CLSTN2: variants seen among roughly 807,000 people sequenced by gnomAD.
The protein encoded by CLSTN2 is calsyntenin 2.
A neutral mutation model predicts 101.2 loss-of-function variants in CLSTN2; 48 were observed. The ratio of observed to expected loss-of-function variants is 0.47; its 90% confidence interval spans 0.38 to 0.60. The LOEUF (loss-of-function observed/expected upper bound fraction) is 0.60, where lower values mean the gene tolerates loss of function less well. Among genes scored for constraint, CLSTN2 ranks in the 20% least tolerant of loss-of-function variants. The probability of loss-of-function intolerance (pLI) is 0.00; values close to 1 mark genes in which losing one functional copy is unlikely to be tolerated. For missense variants in CLSTN2, 1,160 were observed against 1,238.2 expected (o/e 0.94, Z 0.95); for synonymous variants, 481 against 463.6 (o/e 1.04, Z -0.48).
chr3:140,138,877 G>A (rs918632620), intron 1 of CLSTN2, among the ~76,000 whole-genome samples: 1 of 152,178 alleles, frequency 6.6e-6, no homozygotes, highest in South Asian at 2.1e-4. Context: ...GGCAGTGTCG[G>A]CATTTTCTCA....
Position 140,566,924 on chromosome 3 carries a change from C to CA in CLSTN2, c.*672dup, listed in dbSNP as rs2107796629. Reference sequence around the variant, plus strand: ...CCCAAACCAAGAATAGGTCCTTGGCCACAAGCAGGGTCTGATCCCCCATCA... The same window carrying CA: ...CCCAAACCAAGAATAGGTCCTTGGCCAACAAGCAGGGTCTGATCCCCCATCA... On this transcript the variant is annotated 3_prime_UTR_variant, in exon 17 of 17. Coordinates refer to ENST00000458420, the MANE Select transcript of CLSTN2 (RefSeq NM_022131.3). 6.5e-6 allele frequency: 1 copy of CA among 152,718 alleles called. No homozygotes were observed. The highest frequency in any genetic ancestry group is 1.5e-5 in the Non-Finnish European group (1 of 68,402). The allele number at this position is 152,718 out of a possible 1,614,324, so 9.5% of individuals were successfully genotyped here.
At chr3:140,353,082 C>G (rs1167368866) in intron 2 of CLSTN2, among the ~76,000 whole-genome samples, 5 of 151,942 alleles carry the variant, frequency 3.3e-5, no homozygotes, top group Non-Finnish European at 5.9e-5. Context: ...TATAAGTAAT[C>G]TAGAGATTAC....
At chr3:140,117,484 C>T (rs1395901021) in intron 1 of CLSTN2, among the ~76,000 whole-genome samples, 1 of 152,162 alleles carries the variant, frequency 6.6e-6, no homozygotes, top group Non-Finnish European at 1.5e-5. Context: ...TGGGCAGGTC[C>T]CTTGACTCAG....
intron 2 of CLSTN2, among the ~76,000 whole-genome samples, chr3:140,241,874 T>TACACACACACACACACAC (rs1402235729): frequency 1.7e-5 from 1 of 60,030 alleles, no homozygotes; most frequent in African/African-American, 5.2e-5. Flanking sequence ...TATACACATA[T>TACACACACACACACACAC]ATATATACAC....
chr3:140,101,267 T>C (rs1233924431), intron 1 of CLSTN2, among the ~76,000 whole-genome samples: 1 of 152,246 alleles, frequency 6.6e-6, no homozygotes, highest in African/African-American at 2.4e-5. Context: ...CATAGTTTCA[T>C]GCTGGCCATA....
intron 1 of CLSTN2, among the ~76,000 whole-genome samples, chr3:140,018,160 A>C (rs2007238690): frequency 1.3e-5 from 2 of 152,348 alleles, no homozygotes; most frequent in Admixed American, 1.3e-4. Flanking sequence ...GTCTCATTGT[A>C]GTGGCTGAGC....
intron 2 of CLSTN2, among the ~76,000 whole-genome samples, chr3:140,322,647 A>T (rs2087294970): frequency 6.6e-6 from 1 of 152,242 alleles, no homozygotes; most frequent in African/African-American, 2.4e-5. Flanking sequence ...CCTCTAATGC[A>T]GGTTGTGAAA....
intron 2 of CLSTN2, among the ~76,000 whole-genome samples, chr3:140,179,841 T>C (rs2010381748): frequency 6.6e-6 from 1 of 152,152 alleles, no homozygotes; most frequent in South Asian, 2.1e-4. Context: ...TATTATAACA[T>C]GTGTCCACAT....
intron 1 of CLSTN2, among the ~76,000 whole-genome samples, chr3:139,994,420 C>A (rs1024298464): frequency 2.0e-5 from 3 of 152,156 alleles, no homozygotes. Context: ...GATGAGGAAA[C>A]TGAGAAATGA....
At chr3:140,201,592 T>C (rs1249097556) in intron 2 of CLSTN2, among the ~76,000 whole-genome samples, 2 of 152,216 alleles carry the variant, frequency 1.3e-5, no homozygotes, top group Non-Finnish European at 2.9e-5. Context: ...CTACAACTTC[T>C]ATAACTTCCA....
chr3:140,525,069 T>A (rs2107775689), intron 8 of CLSTN2, among the ~76,000 whole-genome samples: 1 of 152,190 alleles, frequency 6.6e-6, no homozygotes, highest in Admixed American at 6.5e-5. Context: ...CAACCTCAAA[T>A]ATAGCAGAAG....
intron 1 of CLSTN2, among the ~76,000 whole-genome samples, chr3:139,963,391 A>G (rs1462085830): frequency 6.6e-6 from 1 of 152,106 alleles, no homozygotes; most frequent in African/African-American, 2.4e-5. Flanking sequence ...TTTTCCAATC[A>G]CATTACCTCC....
chr3:140,403,127 A>C (rs1426852003), intron 2 of CLSTN2, among the ~76,000 whole-genome samples: 1 of 152,222 alleles, frequency 6.6e-6, no homozygotes, highest in Non-Finnish European at 1.5e-5. Context: ...AGAGAAATGC[A>C]TTAATTTCAC....
chr3:140,267,695 C>T (rs756724215), intron 2 of CLSTN2, among the ~76,000 whole-genome samples: 1 of 152,160 alleles, frequency 6.6e-6, no homozygotes, highest in Non-Finnish European at 1.5e-5. Context: ...GACAGGGAAT[C>T]TTTGAAAATA....
chr3:140,435,884 A>G (rs1034604583), intron 5 of CLSTN2, among the ~76,000 whole-genome samples: 12 of 152,290 alleles, frequency 7.9e-5, no homozygotes, highest in Admixed American at 2.6e-4. Flanking sequence ...AGAAATGTCT[A>G]TTCAAATATT....
intron 1 of CLSTN2, among the ~76,000 whole-genome samples, chr3:140,097,631 A>C (rs1435024227): frequency 6.6e-6 from 1 of 152,204 alleles, no homozygotes; most frequent in African/African-American, 2.4e-5. Context: ...TTAGAAAAGA[A>C]AATGATGGGG....
chr3:140,243,517 A>G (rs994411781), intron 2 of CLSTN2, among the ~76,000 whole-genome samples: 2 of 152,188 alleles, frequency 1.3e-5, no homozygotes, highest in Non-Finnish European at 2.9e-5. Context: ...TTGTGCACCT[A>G]TGTGTGCACA....
intron 2 of CLSTN2, among the ~76,000 whole-genome samples, chr3:140,384,742 G>C (rs1466355796): frequency 2.0e-5 from 3 of 152,210 alleles, no homozygotes; most frequent in Non-Finnish European, 4.4e-5. Context: ...ATATACTCCT[G>C]TAGTATTGAT....
intron 7 of CLSTN2, 74 bp from the exon 8 acceptor site, chr3:140,466,536 G>T: frequency 1.3e-6 from 2 of 1,589,316 alleles, no homozygotes; most frequent in South Asian, 2.3e-5. Flanking sequence ...CTAAGTGAGT[G>T]AGCAGGAAGA....
Sources: gnomAD v4.1 joint callset for allele counts (sites outside exome capture counted in the v4.1 genomes callset) on GRCh38, gnomAD v4.1.1 for gene constraint, MANE v1.5 for transcripts, NCBI Gene and HGNC (gene_info 2026-07-23, HGNC 2026-07-21) for gene names.